The following SPRTN variants were observed in gnomAD, a reference collection of about 807,000 sequenced individuals.
The protein encoded by SPRTN is SprT-like N-terminal domain.
A neutral mutation model predicts 31.9 loss-of-function variants in SPRTN; 11 were observed. The observed-to-expected ratio is 0.34, with a 90% confidence interval of 0.22 to 0.57. The LOEUF (loss-of-function observed/expected upper bound fraction) is 0.57. SPRTN is among the 20% of genes least tolerant of loss of function. The pLI, the probability that SPRTN is intolerant of heterozygous loss-of-function variation, is 0.86. For missense variants in SPRTN, 482 were observed against 590.1 expected (o/e 0.82, Z 1.90); for synonymous variants, 185 against 212.1 (o/e 0.87, Z 1.11).
intron 2 of SPRTN, 179 bp downstream of exon 2, chr1:231,340,047 TA>T (rs3071954): frequency 0.049 from 14,219 of 289,674 alleles, 2 homozygotes; most frequent in South Asian, 0.075. Context: ...TGCTTCATAG[TA>T]AAAAAAAAAA....
intron 2 of SPRTN, among the ~76,000 whole-genome samples, chr1:231,341,731 A>T (rs1686897327): frequency 2.0e-5 from 3 of 152,214 alleles, no homozygotes; most frequent in Admixed American, 2.0e-4. Flanking sequence ...TCACGCCCAT[A>T]ATCCCAGCAC....
intron 1 of SPRTN, chr1:231,339,305 G>T: frequency 3.4e-6 from 1 of 293,584 alleles, no homozygotes; most frequent in Non-Finnish European, 6.5e-6. Flanking sequence ...TTGGAGATAT[G>T]CTACTGGAGA....
chr1:231,352,588 ATCT>A lies in SPRTN; in HGVS notation c.719-17_719-15del, dbSNP rs1192335723. 1.9e-6 allele frequency: 3 copies of A among 1,541,162 alleles called. No homozygotes were observed. Among genetic ancestry groups the A allele is most frequent in the Non-Finnish European group, 2.6e-6 (3 of 1,149,144 alleles). On this transcript the variant is annotated intron_variant, in intron 4 of 4. Coordinates refer to ENST00000295050, the MANE Select transcript of SPRTN (RefSeq NM_032018.7). ...TTTGAGTTGAGGCACTTACATAACA[ATCT>A]TCTTTGCTTTTTTGGCAGATAAACC... is the stretch of plus-strand genomic sequence containing the variant.
Position 231,352,832 on chromosome 1 carries a change from A to G in SPRTN, c.941A>G (p.His314Arg), listed in dbSNP as rs370828866. The G allele has an allele frequency of 6.2e-7, 1 of 1,613,866 alleles. No individual in the cohort carries two copies. Reference protein sequence around the residue: ...FEQNGSSKNSHLVSPAVSNSH... With the variant: ...FEQNGSSKNSRLVSPAVSNSH... The stretch of plus-strand genomic sequence containing the variant: ...CAGAATGGTTCAAGTAAAAATTCTC[A>G]TCTGGTCTCCCCTGCTGTTAGTAAC... The change falls in exon 5 of 5, where the codon CAT (histidine) becomes CGT (arginine). Residue 314 changes from histidine (H) to arginine (R), a missense_variant. His to Arg is a conservative substitution (Grantham distance 29, BLOSUM62 0). Coordinates refer to ENST00000295050, the MANE Select transcript of SPRTN (RefSeq NM_032018.7).
In SPRTN at chr1:231,351,443, G is replaced by C. The variant is rs778819482; in HGVS notation, c.590G>C (p.Trp197Ser). ...TNREPSAHDY[W>S]WAEHQKTCGG... ...AGGGAACCCTCTGCTCATGACTATT[G>C]GTGGGCTGAGCACCAGAAAACCTGT... The change falls in exon 4 of 5, where the codon TGG becomes TCG. Residue 197 changes from tryptophan to serine, a missense_variant. Transcript: ENST00000295050. The C allele has an allele frequency of 9.3e-6, 15 of 1,613,898 alleles. No individual in the cohort carries two copies. Among genetic ancestry groups the C allele is most frequent in the African/African-American group, 1.3e-5 (1 of 74,844 alleles).
At chr1:231,339,075 T>A (rs1686783766) in intron 1 of SPRTN, among the ~76,000 whole-genome samples, 1 of 152,192 alleles carries the variant, frequency 6.6e-6, no homozygotes, top group Non-Finnish European at 1.5e-5. Flanking sequence ...CAGTGATGCT[T>A]TTAAAACGAT....
At chr1:231,339,948 T>C (rs1686819037) in intron 2 of SPRTN, 80 bp downstream of exon 2, 1 of 1,369,828 alleles carries the variant, frequency 7.3e-7, no homozygotes, top group Non-Finnish European at 1.0e-6. Context: ...TGAATTCGCC[T>C]GTATGTATCG....
chr1:231,350,263 A>G (rs1687186029), intron 3 of SPRTN, among the ~76,000 whole-genome samples: 1 of 152,222 alleles, frequency 6.6e-6, no homozygotes, highest in South Asian at 2.1e-4. Context: ...CTTTCCCACA[A>G]GGGGAATTTA....
At position 231,354,246 on chromosome 1, in the gene SPRTN, TTAAG is replaced by T; in HGVS notation, c.*889_*892del. Reference sequence around the variant, plus strand: ...ATAAAAGGAATACCATTTGTGCATTTTAAGTAATCTTTTTTAAAAAAAATATTTT... The same window carrying T: ...ATAAAAGGAATACCATTTGTGCATTTTAATCTTTTTTAAAAAAAATATTTT... On this transcript the variant is annotated 3_prime_UTR_variant, in exon 5 of 5. Transcript: ENST00000295050. 1.0e-6 allele frequency: 1 copy of T among 976,080 alleles called. No individual in the cohort carries two copies. The highest frequency in any genetic ancestry group is 1.2e-6 in the Non-Finnish European group (1 of 821,396). 60.5% of individuals were successfully genotyped at this position (976,080 alleles called of 1,614,324 possible).
In SPRTN at chr1:231,339,913, T is replaced by C. The variant is rs1165525360; in HGVS notation, c.321+45T>C. ...GCTTCCTAGCGCAGTAATTTACAAATACTTGTCAATGATTTAGACTGCTGT... is the reference window on the plus strand; with the variant it reads ...GCTTCCTAGCGCAGTAATTTACAAACACTTGTCAATGATTTAGACTGCTGT... On this transcript the variant is annotated intron_variant, in intron 2 of 4. Transcript: ENST00000295050. The C allele has an allele frequency of 1.9e-6, 3 of 1,562,390 alleles. No homozygotes were observed. The African/African-American group carries it at 4.1e-5, about 21-fold the overall frequency.
Position 231,339,788 on chromosome 1 carries a change from T to C in SPRTN, c.241T>C (p.Tyr81His). Residue 81 changes from tyrosine to histidine, a missense_variant, in exon 2 of 5, where the codon TAT becomes CAT. By Grantham distance (83) the Tyr-to-His change is moderately conservative. Coordinates refer to ENST00000295050, the MANE Select transcript of SPRTN (RefSeq NM_032018.7). ...TTCTAGGTGTGCTGGGATATGCAGC[T>C]ATGAAGGGAAGGGTGGAATGTGTTC... ...RMTLCAGICSYEGKGGMCSIR... is the reference protein window; with the variant it reads ...RMTLCAGICSHEGKGGMCSIR... 1 of 1,614,142 alleles carries C rather than the reference T, an allele frequency of 6.2e-7. No homozygotes were observed. The highest frequency in any genetic ancestry group is 8.5e-7 in the Non-Finnish European group (1 of 1,180,012).
At chr1:231,348,782 T>TTACA (rs1687139168) in intron 3 of SPRTN, among the ~76,000 whole-genome samples, 1 of 152,234 alleles carries the variant, frequency 6.6e-6, no homozygotes, top group African/African-American at 2.4e-5. Flanking sequence ...TTTTTTATGC[T>TTACA]ACTTTCATAC....
In SPRTN at chr1:231,347,982, G is replaced by A. The variant is rs1271434973; in HGVS notation, c.450+57G>A. ...AGTAGTTGTTTATTCAATAACTCCT[G>A]AGATTTAATTAAAAGTAGAGAACTA... On this transcript the variant is annotated intron_variant, in intron 3 of 4. Coordinates refer to ENST00000295050, the MANE Select transcript of SPRTN (RefSeq NM_032018.7). 3.8e-6 allele frequency: 6 copies of A among 1,564,442 alleles called. No individual in the cohort carries two copies. In the Admixed American group the frequency reaches 1.2e-4, roughly 32 times the overall value.
Position 231,345,826 on chromosome 1 carries a change from GT to G in SPRTN, c.322-1965del, listed in dbSNP as rs1450312651. On this transcript the variant is annotated intron_variant, in intron 2 of 4. Coordinates refer to ENST00000295050, the MANE Select transcript of SPRTN (RefSeq NM_032018.7). ...AGTGTAGTGTTGGGTTTTTGTGGGGGTTTTTTGTTTTTTGAGACAGGGTCTT... is the reference window on the plus strand; with the variant it reads ...AGTGTAGTGTTGGGTTTTTGTGGGGGTTTTTGTTTTTTGAGACAGGGTCTT... Among the ~76,000 whole-genome samples the G allele has an allele frequency of 3.9e-5, 6 of 152,060 alleles. No homozygotes were observed. The East Asian group carries it at 1.2e-3, about 29-fold the overall frequency.
intron 2 of SPRTN, chr1:231,340,183 A>G: frequency 5.3e-6 from 1 of 189,446 alleles, no homozygotes; most frequent in Admixed American, 5.9e-5. Flanking sequence ...CAACACGGTG[A>G]AACCCCGTCT....
intron 4 of SPRTN, chr1:231,351,916 A>C (rs953319136): frequency 2.0e-6 from 2 of 1,016,074 alleles, no homozygotes; most frequent in African/African-American, 3.5e-5. Flanking sequence ...GTTATTAGGA[A>C]ACAGAAGGCA....
At chr1:231,342,282 G>A (rs1686917765) in intron 2 of SPRTN, among the ~76,000 whole-genome samples, 1 of 152,162 alleles carries the variant, frequency 6.6e-6, no homozygotes, top group Non-Finnish European at 1.5e-5. Context: ...AGTAGTGGGT[G>A]AGAAGAGAAT....
intron 2 of SPRTN, among the ~76,000 whole-genome samples, chr1:231,342,823 C>T (rs1686937827): frequency 1.3e-5 from 2 of 152,018 alleles, no homozygotes; most frequent in East Asian, 1.9e-4. Flanking sequence ...CAAGCTCCGC[C>T]TCCCGGGTTC....
intron 2 of SPRTN, among the ~76,000 whole-genome samples, chr1:231,342,365 A>G (rs1025356869): frequency 2.0e-5 from 3 of 152,324 alleles, no homozygotes; most frequent in African/African-American, 4.8e-5. Flanking sequence ...TTCGTCAATG[A>G]CAGGCCCCAT....
Sources: allele counts gnomAD v4.1 joint callset (sites outside exome capture counted in the v4.1 genomes callset), GRCh38; gene constraint gnomAD v4.1.1; transcripts MANE v1.5; gene names NCBI Gene and HGNC (gene_info 2026-07-23, HGNC 2026-07-21).